The following CTDP1 variants were observed in gnomAD, a reference collection of about 807,000 sequenced individuals.
CTDP1 encodes the protein CTD phosphatase 1.
In CTDP1, 47 loss-of-function variants were observed where a neutral mutation model predicts 91.8. The observed-to-expected ratio is 0.51, with a 90% CI of 0.41 to 0.65. CTDP1 has a LOEUF of 0.65. Among genes scored for constraint, CTDP1 ranks in the 30% least tolerant of loss-of-function variants. The pLI is 0.00. For missense variants in CTDP1, 1,272 were observed against 1,373.7 expected (o/e 0.93, Z 1.17); for synonymous variants, 656 against 598.5 (o/e 1.10, Z -1.40).
chr18:79,690,339 A>C (rs546500295), intron 1 of CTDP1, among the ~76,000 whole-genome samples: 3 of 152,290 alleles, frequency 2.0e-5, no homozygotes, highest in Non-Finnish European at 2.9e-5. Flanking sequence ...TGAGGCAAAT[A>C]ACTTGTTTAG....
At chr18:79,684,188 G>A (rs1199160934) in intron 1 of CTDP1, among the ~76,000 whole-genome samples, 1 of 152,214 alleles carries the variant, frequency 6.6e-6, no homozygotes, top group Middle Eastern at 3.2e-3. Flanking sequence ...CTGTGTTTGA[G>A]AAACTGAGAG....
In CTDP1 at chr18:79,724,895, CT is replaced by C. The variant is rs2086414494; in HGVS notation, c.2418-4010del. Among the ~76,000 whole-genome samples the C allele has an allele frequency of 2.6e-5, 4 of 152,316 alleles. No individual in the cohort carries two copies. The South Asian group carries it at 8.3e-4, about 32-fold the overall frequency. ...CGGCGCCGTCCTCCCTCCATGGCTG[CT>C]TCTGCCGCAGCGTCTCGAGGGCACT... On this transcript the variant is annotated intron_variant, in intron 10 of 12. Coordinates refer to ENST00000613122, the MANE Select transcript of CTDP1 (RefSeq NM_004715.5).
intron 5 of CTDP1, among the ~76,000 whole-genome samples, chr18:79,705,155 T>A (rs2085941880): frequency 6.6e-6 from 1 of 152,088 alleles, no homozygotes. Flanking sequence ...TTTGGGAGTT[T>A]GTCAGGACCA....
At chr18:79,742,832 CCT>C (rs2086806616) in intron 12 of CTDP1, among the ~76,000 whole-genome samples, 1 of 152,126 alleles carries the variant, frequency 6.6e-6, no homozygotes, top group Admixed American at 6.5e-5. Context: ...GTGGTGCACG[CCT>C]GTAATTTCAG....
intron 10 of CTDP1, among the ~76,000 whole-genome samples, chr18:79,719,701 C>G (rs758911246): frequency 2.7e-5 from 4 of 149,348 alleles, no homozygotes; most frequent in South Asian, 2.1e-4. Context: ...GATGTCACCT[C>G]CCATTAGGAA....
rs188281244 is a variant in CTDP1, at chr18:79,705,895, T to C, written c.772+978T>C. Among the ~76,000 whole-genome samples the C allele has an allele frequency of 2.4e-3, 370 of 152,376 alleles. 1 individual carries two copies. Among genetic ancestry groups the C allele is most frequent in the African/African-American group, 8.2e-3 (340 of 41,586 alleles). Reference sequence around the variant, plus strand: ...TTTGAAATATTCACCTGTAACATTATGGCTGCTGCTGCATAGCTGCCTGAG... The same window carrying C: ...TTTGAAATATTCACCTGTAACATTACGGCTGCTGCTGCATAGCTGCCTGAG... On this transcript the variant is annotated intron_variant, in intron 5 of 12. Coordinates refer to ENST00000613122, the MANE Select transcript of CTDP1 (RefSeq NM_004715.5).
chr18:79,704,820 G>A lies in CTDP1; in HGVS notation c.675G>A (p.Leu225=). The change falls in exon 5 of 13, where the codon CTG becomes CTA. Residue 225 remains leucine (L), a synonymous_variant. Transcript: ENST00000613122. ...GTGAGCCCATGCTGCACACGCGCCT[G>A]CGTCCACACTGCAAGGACTTCCTGG... ...GRGEPMLHTR[L]RPHCKDFLEK... 1 of 1,614,060 alleles carries A rather than the reference G, an allele frequency of 6.2e-7. No individual in the cohort carries two copies. The highest frequency in any genetic ancestry group is 8.5e-7 in the Non-Finnish European group (1 of 1,180,054).
At position 79,697,852 on chromosome 18, in the gene CTDP1, A is replaced by C; in HGVS notation, c.493-8A>C. On this transcript the variant is annotated splice_region_variant and splice_polypyrimidine_tract_variant and intron_variant, in intron 3 of 12. Transcript: ENST00000613122. ...ACTTTGTCATTTCTTGTTTCTTTTTAATTGTAGCAAGCTGAACAGCTGGGA... is the reference window on the plus strand; with the variant it reads ...ACTTTGTCATTTCTTGTTTCTTTTTCATTGTAGCAAGCTGAACAGCTGGGA... The C allele has an allele frequency of 6.2e-7, 1 of 1,614,070 alleles. No individual in the cohort carries two copies. The highest frequency in any genetic ancestry group is 8.5e-7 in the Non-Finnish European group (1 of 1,180,016).
intron 1 of CTDP1, among the ~76,000 whole-genome samples, chr18:79,690,364 G>A (rs1341457631): frequency 1.3e-5 from 2 of 152,202 alleles, no homozygotes; most frequent in African/African-American, 4.8e-5. Flanking sequence ...TGCATGTCAT[G>A]GCTTTCTCAT....
At chr18:79,743,319 A>T (rs937116873) in intron 12 of CTDP1, among the ~76,000 whole-genome samples, 4 of 152,144 alleles carry the variant, frequency 2.6e-5, no homozygotes, top group Non-Finnish European at 4.4e-5. Context: ...TGAGTTCAGG[A>T]GTTCGAGAAC....
At chr18:79,705,101 G>A (rs2085940460) in intron 5 of CTDP1, among the ~76,000 whole-genome samples, 184 bp downstream of exon 5, 1 of 152,214 alleles carries the variant, frequency 6.6e-6, no homozygotes, top group South Asian at 2.1e-4. Flanking sequence ...GCTGTTGGGT[G>A]GGGCCGCGGC....
chr18:79,729,861 G>C (rs1320681451), intron 11 of CTDP1, among the ~76,000 whole-genome samples: 1 of 152,200 alleles, frequency 6.6e-6, no homozygotes, highest in Non-Finnish European at 1.5e-5. Flanking sequence ...CCTGCAGCTG[G>C]TCAGGGCACA....
In CTDP1 at chr18:79,753,940, C is replaced by T; in HGVS notation, c.*150C>T. ...CCACATACAGAAACACATTATTTTG[C>T]AGAAATAGGTGTTTTTAAGAAGTTT... On this transcript the variant is annotated 3_prime_UTR_variant, in exon 13 of 13. Transcript: ENST00000613122. The T allele has an allele frequency of 1.8e-6, 2 of 1,106,430 alleles. No homozygotes were observed. Among genetic ancestry groups the T allele is most frequent in the Non-Finnish European group, 2.6e-6 (2 of 778,254 alleles). 68.5% of individuals were successfully genotyped at this position (1,106,430 alleles called of 1,614,324 possible). A position where few individuals can be genotyped will look rare whatever the true frequency, so the allele number is the denominator to read the frequency against.
intron 12 of CTDP1, among the ~76,000 whole-genome samples, chr18:79,747,414 C>T (rs549907602): frequency 1.6e-4 from 24 of 152,344 alleles, no homozygotes; most frequent in Non-Finnish European, 2.6e-4. Context: ...GCAGACGCCA[C>T]GGAGGGAGGG....
chr18:79,694,726 C>T (rs2056787908), intron 1 of CTDP1, among the ~76,000 whole-genome samples: 1 of 152,192 alleles, frequency 6.6e-6, no homozygotes, highest in Non-Finnish European at 1.5e-5. Context: ...ATGGCTTCTG[C>T]CAGAAGACCA....
chr18:79,754,058 C>T lies in CTDP1; in HGVS notation c.*268C>T. On this transcript the variant is annotated 3_prime_UTR_variant, in exon 13 of 13. Transcript: ENST00000613122. ...TCAGCAGAGGCTCACGTGGCCCAGG[C>T]TGGTGCGCCCGCTGTCTCGGTAAGG... is the stretch of plus-strand genomic sequence containing the variant. 2 of 509,914 alleles carry T rather than the reference C, an allele frequency of 3.9e-6. No individual in the cohort carries two copies. The highest frequency in any genetic ancestry group is 7.1e-6 in the Non-Finnish European group (2 of 282,396). The allele number at this position is 509,914 out of a possible 1,614,324, so 31.6% of individuals were successfully genotyped here. A position where few individuals can be genotyped will look rare whatever the true frequency, so the allele number is the denominator to read the frequency against.
rs191878329 is a variant in CTDP1 at position 79,738,474 on chromosome 18, C to T, written c.2747+1953C>T. On this transcript the variant is annotated intron_variant, in intron 12 of 12. Transcript: ENST00000613122. ...AATGAGGTAGGAGCAGCGCCAGCCT[C>T]GGAGGAGCTGCTCCCAGCTTCAGCA... 9.2e-5 allele frequency among the ~76,000 whole-genome samples: 14 copies of T among 152,338 alleles called. No individual in the cohort carries two copies. The East Asian group carries it at 2.3e-3, about 25-fold the overall frequency.
chr18:79,755,133 A>AC (rs1208866951), downstream of CTDP1: 1 of 152,034 alleles, frequency 6.6e-6, no homozygotes, highest in Non-Finnish European at 1.5e-5. Context: ...TGGGTAGAGG[A>AC]CCCCAGGGTC....
rs568546589 is a variant in CTDP1 at position 79,726,459 on chromosome 18, T to G, written c.2418-2448T>G. On this transcript the variant is annotated intron_variant, in intron 10 of 12. Transcript: ENST00000613122. Reference sequence around the variant, plus strand: ...ATTTTAGCATCTCTGCCCTCTCAGCTTGGCCCTTGTTGATTGTCCTTTTCT... The same window carrying G: ...ATTTTAGCATCTCTGCCCTCTCAGCGTGGCCCTTGTTGATTGTCCTTTTCT... Among the ~76,000 whole-genome samples, 4 of 152,304 alleles carry G rather than the reference T, an allele frequency of 2.6e-5. No homozygotes were observed. In the East Asian group the frequency reaches 7.7e-4, roughly 29 times the overall value.
Sources: allele counts gnomAD v4.1 joint callset (sites outside exome capture counted in the v4.1 genomes callset), GRCh38; gene constraint gnomAD v4.1.1; transcripts MANE v1.5; gene names NCBI Gene and HGNC (gene_info 2026-07-23, HGNC 2026-07-21).